Variants in CRIM1 observed in about 807,000 individuals in gnomAD.
The protein encoded by CRIM1 is cysteine rich transmembrane BMP regulator 1, also known as cysteine-rich motor neuron 1 protein.
Under a neutral mutation model 116.4 loss-of-function variants are expected in CRIM1, and 32 were observed. The ratio of observed to expected loss-of-function variants is 0.27; its 90% CI spans 0.21 to 0.37. The LOEUF (loss-of-function observed/expected upper bound fraction) is 0.37, where lower values mean the gene tolerates loss of function less well. Among genes scored for constraint, CRIM1 ranks in the 10% least tolerant of loss-of-function variants. The pLI is 1.00. For missense variants in CRIM1, 1,331 were observed against 1,354.8 expected, an observed-to-expected ratio of 0.98 and a Z score of 0.28; for synonymous variants, 590 against 509.2, an observed-to-expected ratio of 1.16 and a Z score of -2.13.
intron 2 of CRIM1, among the ~76,000 whole-genome samples, chr2:36,428,826 G>A (rs968668249): frequency 4.6e-5 from 7 of 152,180 alleles, no homozygotes; most frequent in African/African-American, 1.4e-4. Flanking sequence ...TGTTGCAGAA[G>A]TTTCTAATTG....
chr2:36,418,041 G>T (rs1673757194), intron 2 of CRIM1, among the ~76,000 whole-genome samples: 1 of 152,172 alleles, frequency 6.6e-6, no homozygotes, highest in Non-Finnish European at 1.5e-5. Flanking sequence ...TGGGTGGCAG[G>T]CACATTGCAC....
chr2:36,505,190 A>G (rs1353364946), intron 8 of CRIM1, among the ~76,000 whole-genome samples: 1 of 152,198 alleles, frequency 6.6e-6, no homozygotes, highest in East Asian at 1.9e-4. Context: ...TGGGAACTTC[A>G]TGGCCATCCT....
At chr2:36,394,148 A>G (rs1330279742) in intron 1 of CRIM1, among the ~76,000 whole-genome samples, 3 of 152,232 alleles carry the variant, frequency 2.0e-5, no homozygotes, top group East Asian at 1.9e-4. Flanking sequence ...GATCAACTCA[A>G]TAACTGCACA....
chr2:36,509,518 G>C (rs1681672347), intron 8 of CRIM1, among the ~76,000 whole-genome samples: 1 of 152,124 alleles, frequency 6.6e-6, no homozygotes, highest in East Asian at 1.9e-4. Context: ...CAGAGCGAGA[G>C]ATTCTGTCTC....
chr2:36,379,118 A>G (rs1420538773), intron 1 of CRIM1: 1 of 152,216 alleles, frequency 6.6e-6, no homozygotes, highest in African/African-American at 2.4e-5. Context: ...TACAAATTTT[A>G]ATAACTTGTC....
At chr2:36,542,178 G>C (rs1666990305) in intron 14 of CRIM1, among the ~76,000 whole-genome samples, 1 of 152,216 alleles carries the variant, frequency 6.6e-6, no homozygotes, top group Admixed American at 6.5e-5. Flanking sequence ...GAAGTAAGAA[G>C]TGGCTGTCAG....
At chr2:36,446,611 T>C (rs1177250997) in intron 4 of CRIM1, among the ~76,000 whole-genome samples, 3 of 152,254 alleles carry the variant, frequency 2.0e-5, no homozygotes, top group Non-Finnish European at 4.4e-5. Context: ...TGTGATGTAA[T>C]TAATTTTTAA....
At chr2:36,473,814 T>G (rs554602387) in intron 5 of CRIM1, among the ~76,000 whole-genome samples, 1 of 152,336 alleles carries the variant, frequency 6.6e-6, no homozygotes, top group Non-Finnish European at 1.5e-5. Flanking sequence ...CTTGGGCTGC[T>G]AGGAACATTT....
chr2:36,440,018 A>G (rs1394983143), intron 2 of CRIM1, among the ~76,000 whole-genome samples: 1 of 152,208 alleles, frequency 6.6e-6, no homozygotes, highest in Admixed American at 6.5e-5. Context: ...TAGGTAGACA[A>G]GAAATAGATA....
intron 15 of CRIM1, among the ~76,000 whole-genome samples, chr2:36,546,763 A>ATTTT (rs775086985): frequency 2.0e-5 from 2 of 101,850 alleles, no homozygotes; most frequent in African/African-American, 3.8e-5. Context: ...TCTCACTCTG[A>ATTTT]TTTTTTTTTT....
intron 2 of CRIM1, among the ~76,000 whole-genome samples, chr2:36,433,361 G>A (rs1015963943): frequency 1.3e-5 from 2 of 152,184 alleles, no homozygotes; most frequent in African/African-American, 4.8e-5. Flanking sequence ...TGTGGTTCAG[G>A]AGATTCCTAG....
intron 2 of CRIM1, among the ~76,000 whole-genome samples, chr2:36,404,761 C>T (rs1000200244): frequency 6.6e-6 from 1 of 152,144 alleles, no homozygotes; most frequent in African/African-American, 2.4e-5. Flanking sequence ...CTAATTTTTA[C>T]ACAAAGACTT....
chr2:36,468,234 TTA>T lies in CRIM1; in HGVS notation c.991+3581_991+3582del, dbSNP rs1678203789. Among the ~76,000 whole-genome samples the T allele has an allele frequency of 5.9e-5, 9 of 152,336 alleles. No homozygotes were observed. In the South Asian group the frequency reaches 1.5e-3, roughly 25 times the overall value. On this transcript the variant is annotated intron_variant, in intron 5 of 16. Transcript: ENST00000280527. ...GCTGCCATCCATGTGATCCATATGC[TTA>T]TGTTTTTTTCTTTTTAAAATCAACT... is the stretch of plus-strand genomic sequence containing the variant.
Position 36,551,078 on chromosome 2 carries a change from AAG to A in CRIM1, c.*2381_*2382del, listed in dbSNP as rs1218615541. The stretch of plus-strand genomic sequence containing the variant: ...TTTTTGTTTTCTTCAAAAAAGCTGT[AAG>A]AGAATTATCTGCAACTTGATTCTTG... On this transcript the variant is annotated 3_prime_UTR_variant, in exon 17 of 17. Transcript: ENST00000280527. The A allele has an allele frequency of 6.6e-6, 1 of 152,644 alleles. No homozygotes were observed. Among genetic ancestry groups the A allele is most frequent in the Admixed American group, 6.5e-5 (1 of 15,286 alleles). 9.5% of individuals were successfully genotyped at this position (152,644 alleles called of 1,614,324 possible).
intron 2 of CRIM1, among the ~76,000 whole-genome samples, chr2:36,398,383 A>G (rs1282285391): frequency 6.6e-6 from 1 of 152,204 alleles, no homozygotes; most frequent in Admixed American, 6.5e-5. Context: ...ATGCTATCCC[A>G]GGAAGTTTTG....
chr2:36,455,019 G>A (rs986757635), intron 4 of CRIM1, among the ~76,000 whole-genome samples: 1 of 152,156 alleles, frequency 6.6e-6, no homozygotes. Context: ...TCAGGAGGAG[G>A]TTCAGGCCGC....
At chr2:36,539,036 G>A (rs948562396) in intron 14 of CRIM1, among the ~76,000 whole-genome samples, 7 of 152,232 alleles carry the variant, frequency 4.6e-5, no homozygotes, top group Non-Finnish European at 1.0e-4. Flanking sequence ...TGCACACGGA[G>A]CTTACGTTGT....
intron 1 of CRIM1, among the ~76,000 whole-genome samples, chr2:36,365,815 C>T (rs900573945): frequency 1.4e-4 from 21 of 150,704 alleles, no homozygotes; most frequent in Non-Finnish European, 1.5e-5. Context: ...CTCACTGCAA[C>T]CTCTGACTCC....
At chr2:36,490,398 G>T (rs1680142828) in intron 7 of CRIM1, among the ~76,000 whole-genome samples, 1 of 152,180 alleles carries the variant, frequency 6.6e-6, no homozygotes, top group African/African-American at 2.4e-5. Flanking sequence ...TGAGAGAGCA[G>T]GGACTCAAGC....
Sources: allele counts gnomAD v4.1 joint callset (sites outside exome capture counted in the v4.1 genomes callset), GRCh38; gene constraint gnomAD v4.1.1; transcripts MANE v1.5; gene names NCBI Gene and HGNC (gene_info 2026-07-23, HGNC 2026-07-21).